NRXN3: variants seen among roughly 807,000 people sequenced by gnomAD.
The protein encoded by NRXN3 is neurexin 3, also known as neurexin III.
A neutral mutation model predicts 137.6 loss-of-function variants in NRXN3; 32 were observed. The ratio of observed to expected loss-of-function variants is 0.23; its 90% confidence interval spans 0.18 to 0.31. The LOEUF is 0.31. Ranked by LOEUF, NRXN3 falls within the 10% of genes least tolerant of loss-of-function variation. The pLI is 1.00. For missense variants in NRXN3, 1,574 were observed against 2,062.5 expected, an observed-to-expected ratio of 0.76 and a Z score of 4.59; for synonymous variants, 798 against 784.5, an observed-to-expected ratio of 1.02 and a Z score of -0.29.
chr14:78,659,420 C>T (rs1225655183), intron 6 of NRXN3, among the ~76,000 whole-genome samples: 1 of 151,924 alleles, frequency 6.6e-6, no homozygotes, highest in Non-Finnish European at 1.5e-5. Flanking sequence ...AGTTCACGCC[C>T]ATAATTTTAG....
At chr14:79,165,193 G>A (rs2153076965) in intron 15 of NRXN3, among the ~76,000 whole-genome samples, 1 of 152,092 alleles carries the variant, frequency 6.6e-6, no homozygotes, top group South Asian at 2.1e-4. Flanking sequence ...TAGGAATGTA[G>A]CATATGCTTG....
At chr14:78,765,036 G>C (rs1412330623) in intron 8 of NRXN3, among the ~76,000 whole-genome samples, 1 of 152,176 alleles carries the variant, frequency 6.6e-6, no homozygotes, top group Non-Finnish European at 1.5e-5. Flanking sequence ...CAGCTGGGCA[G>C]GTTAACTAGA....
chr14:79,120,751 TAACTA>T (rs1041017999), intron 15 of NRXN3, among the ~76,000 whole-genome samples: 4 of 152,176 alleles, frequency 2.6e-5, no homozygotes, highest in Non-Finnish European at 5.9e-5. Context: ...ATTTTTTAAA[TAACTA>T]AAGAAACCGT....
At chr14:78,293,184 A>G (rs1185449718) in intron 3 of NRXN3, among the ~76,000 whole-genome samples, 1 of 152,070 alleles carries the variant, frequency 6.6e-6, no homozygotes, top group Non-Finnish European at 1.5e-5. Flanking sequence ...AACCTCCAGG[A>G]TATCTTAATA....
At chr14:79,435,662 A>C (rs1287990173) in intron 15 of NRXN3, among the ~76,000 whole-genome samples, 1 of 150,268 alleles carries the variant, frequency 6.7e-6, no homozygotes, top group African/African-American at 2.5e-5. Flanking sequence ...TTGAGACAGG[A>C]TCTCGCTCTG....
intron 4 of NRXN3, among the ~76,000 whole-genome samples, chr14:78,488,231 C>T (rs1156348209): frequency 6.6e-6 from 1 of 152,170 alleles, no homozygotes; most frequent in Non-Finnish European, 1.5e-5. Flanking sequence ...ACTTAATCAC[C>T]TCTTTAAAAA....
At chr14:78,884,950 GA>G (rs2099139175) in intron 10 of NRXN3, among the ~76,000 whole-genome samples, 1 of 151,720 alleles carries the variant, frequency 6.6e-6, no homozygotes, top group Non-Finnish European at 1.5e-5. Context: ...TGACACATAG[GA>G]AACATTCAGT....
chr14:78,651,545 T>C (rs1275333399), intron 6 of NRXN3, among the ~76,000 whole-genome samples: 2 of 152,186 alleles, frequency 1.3e-5, no homozygotes, highest in African/African-American at 2.4e-5. Context: ...TATTAGTCTG[T>C]TTGCATGCTG....
chr14:78,747,017 G>A (rs1207522184), intron 8 of NRXN3, among the ~76,000 whole-genome samples: 9 of 152,166 alleles, frequency 5.9e-5, no homozygotes, highest in African/African-American at 2.2e-4. Flanking sequence ...CTTGGGAGGA[G>A]TAGGTAAGCT....
At chr14:79,808,291 T>C (rs2099218018) in intron 20 of NRXN3, among the ~76,000 whole-genome samples, 1 of 149,214 alleles carries the variant, frequency 6.7e-6, no homozygotes, top group East Asian at 2.0e-4. Context: ...TATGTATGTA[T>C]GTATCTCAGG....
chr14:78,438,939 C>A lies in NRXN3; in HGVS notation c.757+141079C>A, dbSNP rs544364199. On this transcript the variant is annotated intron_variant, in intron 4 of 20. Transcript: ENST00000335750. ...TTGACAAGCTGGACGTGCTTGGTGTCTTTTGCCACCAGTAGAGTAATGGGG... is the reference window on the plus strand; with the variant it reads ...TTGACAAGCTGGACGTGCTTGGTGTATTTTGCCACCAGTAGAGTAATGGGG... Among the ~76,000 whole-genome samples, 3 of 151,900 alleles carry A rather than the reference C, an allele frequency of 2.0e-5. No homozygotes were observed. The East Asian group carries it at 5.8e-4, about 30-fold the overall frequency.
At chr14:78,936,284 C>A (rs1270950695) in intron 10 of NRXN3, among the ~76,000 whole-genome samples, 1 of 152,150 alleles carries the variant, frequency 6.6e-6, no homozygotes, top group Non-Finnish European at 1.5e-5. Context: ...TGCACATGGG[C>A]CCTAGAACTA....
At chr14:78,680,343 G>A (rs564127571) in intron 6 of NRXN3, among the ~76,000 whole-genome samples, 44 of 152,142 alleles carry the variant, frequency 2.9e-4, no homozygotes, top group African/African-American at 1.0e-3. Context: ...GTTTACCTAC[G>A]TAACAAACCT....
chr14:78,526,700 CG>C (rs1566641766), intron 4 of NRXN3: 1 of 509,406 alleles, frequency 2.0e-6, no homozygotes, highest in African/African-American at 1.9e-5. Context: ...TAAGCACTTT[CG>C]TGCATTATTA....
chr14:79,828,357 C>T (rs1238567764), intron 20 of NRXN3, among the ~76,000 whole-genome samples: 1 of 151,990 alleles, frequency 6.6e-6, no homozygotes, highest in Admixed American at 6.5e-5. Flanking sequence ...TGGTGGCTCA[C>T]GCCTGTAATC....
chr14:78,574,707 T>A (rs2096920319), intron 4 of NRXN3, among the ~76,000 whole-genome samples: 1 of 152,164 alleles, frequency 6.6e-6, no homozygotes, highest in Admixed American at 6.5e-5. Flanking sequence ...GGCTCATAGG[T>A]GGAAGGGATT....
chr14:79,804,966 A>G (rs1253703722), intron 19 of NRXN3, 146 bp from the exon 20 acceptor site: 8 of 595,988 alleles, frequency 1.3e-5, no homozygotes, highest in Non-Finnish European at 2.1e-5. Context: ...TCTTCATCCT[A>G]CGGTATGCCC....
chr14:78,927,547 C>A (rs937381013), intron 10 of NRXN3, among the ~76,000 whole-genome samples: 1 of 152,126 alleles, frequency 6.6e-6, no homozygotes, highest in Non-Finnish European at 1.5e-5. Flanking sequence ...ATGGTACTTA[C>A]CATTACTTCA....
chr14:79,320,414 C>T (rs955264315), intron 15 of NRXN3, among the ~76,000 whole-genome samples: 2 of 152,104 alleles, frequency 1.3e-5, no homozygotes, highest in African/African-American at 4.8e-5. Context: ...GTGCAATCTC[C>T]GCATTGTTAA....
Sources: gnomAD v4.1 joint callset for allele counts (sites outside exome capture counted in the v4.1 genomes callset) on GRCh38, gnomAD v4.1.1 for gene constraint, MANE v1.5 for transcripts, NCBI Gene and HGNC (gene_info 2026-07-23, HGNC 2026-07-21) for gene names.